The following DBT variants were observed in gnomAD, a reference collection of about 807,000 sequenced individuals.
DBT encodes lipoamide acyltransferase component of branched-chain alpha-keto acid dehydrogenase complex, mitochondrial.
DBT carries 40 observed loss-of-function variants against 51.3 expected under a neutral mutation model. That is an observed-to-expected ratio of 0.78 (90% CI 0.61 to 1.02). The LOEUF (loss-of-function observed/expected upper bound fraction) is 1.02. DBT is among the 50% of genes least tolerant of loss of function. DBT has a pLI of 0.00. For missense variants in DBT, 510 were observed against 580.2 expected (o/e 0.88, Z 1.24); for synonymous variants, 181 against 190.4 (o/e 0.95, Z 0.41).
rs764777656 is a variant in DBT, at chr1:100,196,076, C to T, written c.*179G>A. On this transcript the variant is annotated 3_prime_UTR_variant, in exon 11 of 11. Transcript: ENST00000370132. The stretch of plus-strand genomic sequence containing the variant: ...TGACAGCCCCAGGAGAACCATTACA[C>T]CATTATTCATTTTCAGTAAAAAGTC... The T allele has an allele frequency of 1.5e-6, 1 of 656,574 alleles. No individual in the cohort carries two copies. The highest frequency in any genetic ancestry group is 4.1e-4 in the Middle Eastern group (1 of 2,424). The allele number at this position is 656,574 out of a possible 1,614,324, so 40.7% of individuals were successfully genotyped here.
In DBT at chr1:100,189,437, C is replaced by G. The variant is rs1214830378; in HGVS notation, c.*6818G>C. On this transcript the variant is annotated 3_prime_UTR_variant, in exon 11 of 11. Coordinates refer to ENST00000370132, the MANE Select transcript of DBT (RefSeq NM_001918.5). ...CATGTAAGGTTTGGCATAAATAGTT[C>G]ATAGTTGACCTGGTCTGTCTGACTG... 6.6e-6 allele frequency: 1 copy of G among 151,308 alleles called. No individual in the cohort carries two copies. Among genetic ancestry groups the G allele is most frequent in the Non-Finnish European group, 1.5e-5 (1 of 67,952 alleles). 9.4% of individuals were successfully genotyped at this position (151,308 alleles called of 1,614,324 possible).
Position 100,206,224 on chromosome 1 carries a change from A to G in DBT, c.1281+6T>C. On this transcript the variant is annotated splice_donor_region_variant and intron_variant, in intron 10 of 10. Coordinates refer to ENST00000370132, the MANE Select transcript of DBT (RefSeq NM_001918.5). ...ACTCCATTTTTCAGTTATCTAATAC[A>G]TGTACCTTAATTGATCCAAGGGCCC... The G allele has an allele frequency of 1.2e-6, 2 of 1,605,530 alleles. No homozygotes were observed. The highest frequency in any genetic ancestry group is 1.7e-4 in the Middle Eastern group (1 of 6,048).
intron 3 of DBT, among the ~76,000 whole-genome samples, chr1:100,232,273 A>G (rs1347752432): frequency 1.4e-5 from 2 of 144,010 alleles, no homozygotes; most frequent in East Asian, 2.1e-4. Flanking sequence ...TATCCCCATC[A>G]TAAGTCAAGG....
intron 7 of DBT, among the ~76,000 whole-genome samples, chr1:100,212,326 C>T (rs539695880): frequency 6.6e-6 from 1 of 152,174 alleles, no homozygotes; most frequent in South Asian, 2.1e-4. Flanking sequence ...CATGCTGGCT[C>T]ATCCCTGTAA....
intron 3 of DBT, among the ~76,000 whole-genome samples, chr1:100,234,648 T>C (rs1439842478): frequency 6.6e-6 from 1 of 152,170 alleles, no homozygotes; most frequent in Admixed American, 6.6e-5. Flanking sequence ...AGAGACCAAG[T>C]GAGTCACAGG....
chr1:100,237,821 A>G (rs1007164684), intron 2 of DBT, among the ~76,000 whole-genome samples: 2 of 152,022 alleles, frequency 1.3e-5, no homozygotes, highest in African/African-American at 4.8e-5. Context: ...AATTTTTTAT[A>G]GAGGTGAGGT....
rs548611008 is a variant in DBT, at chr1:100,218,618, G to A, written c.555+8C>T. On this transcript the variant is annotated splice_region_variant and intron_variant, in intron 5 of 10. Transcript: ENST00000370132. Reference sequence around the variant, plus strand: ...ACAATCTCAGACTTAAATATTAAGAGAACTTACATTGTTTTCCATTGCCAG... The same window carrying A: ...ACAATCTCAGACTTAAATATTAAGAAAACTTACATTGTTTTCCATTGCCAG... 5 of 1,613,666 alleles carry A rather than the reference G, an allele frequency of 3.1e-6. No individual in the cohort carries two copies. The South Asian group carries it at 5.5e-5, about 18-fold the overall frequency.
rs1661801908 is a variant in DBT, at chr1:100,206,518, T to C, written c.1136A>G (p.Lys379Arg). 6.2e-7 allele frequency: 1 copy of C among 1,613,786 alleles called. No homozygotes were observed. The highest frequency in any genetic ancestry group is 1.7e-5 in the Admixed American group (1 of 60,014). The part of the protein sequence containing the change: ...DIATELNRLQ[K>R]LGSVSQLSTT... ...GCTGAGCTGACTCACAGAGCCCAAT[T>C]TCTGGAGGCGGTTCAGTTCAGTGGC... Residue 379 changes from lysine to arginine, a missense_variant, in exon 9 of 11, where the codon AAA becomes AGA. Physicochemically the swap from Lys to Arg is conservative, Grantham distance 26 (BLOSUM62 2). Transcript: ENST00000370132.
chr1:100,241,848 G>T (rs1031701651), intron 1 of DBT, among the ~76,000 whole-genome samples: 2 of 152,110 alleles, frequency 1.3e-5, no homozygotes, highest in African/African-American at 4.8e-5. Flanking sequence ...GTGAAACCCT[G>T]TCTCTACTAA....
chr1:100,249,794 G>A lies in DBT; in HGVS notation c.27C>T (p.Thr9=), dbSNP rs371418997. The A allele has an allele frequency of 1.2e-6, 2 of 1,614,178 alleles. No homozygotes were observed. The highest frequency in any genetic ancestry group is 1.7e-6 in the Non-Finnish European group (2 of 1,180,026). The change falls in exon 1 of 11, where the codon ACC becomes ACT. Residue 9 remains threonine (T), a synonymous_variant. Coordinates refer to ENST00000370132, the MANE Select transcript of DBT (RefSeq NM_001918.5). ...CCAGCTTCCCCGCATTCCTGCTCCA[G>A]GTTCTCAGCATACGGACTGCAGCCA... MAAVRMLR[T]WSRNAGKLIC...
intron 3 of DBT, among the ~76,000 whole-genome samples, chr1:100,234,597 G>A (rs1050764359): frequency 4.6e-5 from 7 of 152,206 alleles, no homozygotes; most frequent in African/African-American, 1.7e-4. Flanking sequence ...ACACTCCAGA[G>A]GTTGGCAGAG....
chr1:100,204,342 T>G (rs1459334781), intron 10 of DBT, among the ~76,000 whole-genome samples: 1 of 152,048 alleles, frequency 6.6e-6, no homozygotes, highest in Non-Finnish European at 1.5e-5. Context: ...ATGAGGAAAC[T>G]CCCATTCACA....
At position 100,229,014 on chromosome 1, in the gene DBT, T is replaced by C. The variant is rs115636133; in HGVS notation, c.433+1719A>G. 5.5e-3 allele frequency among the ~76,000 whole-genome samples: 840 copies of C among 152,304 alleles called. 6 individuals are homozygous for C. Among genetic ancestry groups the C allele is most frequent in the African/African-American group, 0.019 (774 of 41,560 alleles). On this transcript the variant is annotated intron_variant, in intron 4 of 10. Coordinates refer to ENST00000370132, the MANE Select transcript of DBT (RefSeq NM_001918.5). ...CTGCAATGCACCCCTCCTGCTTTTA[T>C]AATAATAAAAAGTAGTAGGAAGCCT...
chr1:100,216,411 T>C (rs1662492261), intron 5 of DBT, among the ~76,000 whole-genome samples: 1 of 152,166 alleles, frequency 6.6e-6, no homozygotes, highest in South Asian at 2.1e-4. Context: ...CTATATTATA[T>C]ATAATCTAGA....
In DBT at chr1:100,208,436, C is replaced by T. The variant is rs894299973; in HGVS notation, c.1018-1800G>A. 5.9e-5 allele frequency among the ~76,000 whole-genome samples: 9 copies of T among 152,182 alleles called. 1 individual carries two copies. The South Asian group carries it at 6.2e-4, about 11-fold the overall frequency. The stretch of plus-strand genomic sequence containing the variant: ...ACATGAACCAACATTTATAAAAATT[C>T]GTGTTAAGGAACTAAGTGCAGAAGT... On this transcript the variant is annotated intron_variant, in intron 8 of 10. Transcript: ENST00000370132.
At chr1:100,213,379 C>A (rs1364331803) in intron 7 of DBT, 33 of 1,552,818 alleles carry the variant, frequency 2.1e-5, no homozygotes, top group Non-Finnish European at 2.7e-5. Flanking sequence ...GCCCGCACGG[C>A]TACGGCGCCA....
intron 2 of DBT, among the ~76,000 whole-genome samples, 179 bp downstream of exon 2, chr1:100,240,580 AAG>A (rs1270763352): frequency 6.6e-6 from 1 of 152,186 alleles, no homozygotes; most frequent in Admixed American, 6.5e-5. Flanking sequence ...AAGTATGTAA[AAG>A]AGAGGGATGA....
rs183825622 is a variant in DBT, at chr1:100,218,099, G to A, written c.555+527C>T. 1.2e-3 allele frequency among the ~76,000 whole-genome samples: 183 copies of A among 152,272 alleles called. 1 individual carries two copies. Among genetic ancestry groups the A allele is most frequent in the African/African-American group, 4.2e-3 (173 of 41,564 alleles). ...ACTGGCAGAGGAAATACAAAAGGCCGGCCTCCTTGCCTCAAAGCAGTAATT... is the reference window on the plus strand; with the variant it reads ...ACTGGCAGAGGAAATACAAAAGGCCAGCCTCCTTGCCTCAAAGCAGTAATT... On this transcript the variant is annotated intron_variant, in intron 5 of 10. Coordinates refer to ENST00000370132, the MANE Select transcript of DBT (RefSeq NM_001918.5).
Position 100,213,689 on chromosome 1 carries a change from C to G in DBT, c.939+1128G>C, listed in dbSNP as rs1662300163. ...CGCTTAAAGGGAACACCAGGCTCGG[C>G]CTTTCCTACACCCAGCTCTCTTTTT... On this transcript the variant is annotated intron_variant, in intron 7 of 10. Coordinates refer to ENST00000370132, the MANE Select transcript of DBT (RefSeq NM_001918.5). 7 of 1,606,380 alleles carry G rather than the reference C, an allele frequency of 4.4e-6. No homozygotes were observed. In the South Asian group the frequency reaches 7.8e-5, roughly 18 times the overall value.
Sources: allele counts gnomAD v4.1 joint callset (sites outside exome capture counted in the v4.1 genomes callset), GRCh38; gene constraint gnomAD v4.1.1; transcripts MANE v1.5; gene names NCBI Gene and HGNC (gene_info 2026-07-23, HGNC 2026-07-21).